The following TTC28 variants were observed in gnomAD, a reference collection of about 807,000 sequenced individuals.
TTC28 encodes tetratricopeptide repeat domain 28, also known as tetratricopeptide repeat protein 28.
A neutral mutation model predicts 198.0 loss-of-function variants in TTC28; 61 were observed. The ratio of observed to expected loss-of-function variants is 0.31; its 90% confidence interval spans 0.25 to 0.38. The LOEUF (loss-of-function observed/expected upper bound fraction) is 0.38, where lower values mean the gene tolerates loss of function less well. Among genes scored for constraint, TTC28 ranks in the 10% least tolerant of loss-of-function variants. TTC28 has a pLI of 1.00. For synonymous variants in TTC28, 1,171 were observed against 1,297.8 expected (o/e 0.90, Z 2.10); for missense variants, 2,678 against 3,164.0 (o/e 0.85, Z 3.69).
intron 5 of TTC28, among the ~76,000 whole-genome samples, chr22:28,208,460 C>T (rs966845930): frequency 2.6e-5 from 4 of 152,132 alleles, no homozygotes. Flanking sequence ...CAGGTTCAAG[C>T]CCCAGCTCTA....
intron 2 of TTC28, among the ~76,000 whole-genome samples, chr22:28,351,682 G>C (rs147620563): frequency 7.3e-4 from 111 of 152,330 alleles, no homozygotes; most frequent in African/African-American, 2.5e-3. Flanking sequence ...GCCTGAGATA[G>C]AAGAAGGCAC....
At chr22:28,563,192 TAACA>T (rs1464130689) in intron 2 of TTC28, among the ~76,000 whole-genome samples, 1 of 152,172 alleles carries the variant, frequency 6.6e-6, no homozygotes, top group Admixed American at 6.5e-5. Flanking sequence ...TATTTTAAAC[TAACA>T]TTTTTTTAAA....
intron 6 of TTC28, among the ~76,000 whole-genome samples, chr22:28,123,092 A>G (rs1001375397): frequency 6.6e-6 from 1 of 152,256 alleles, no homozygotes; most frequent in South Asian, 2.1e-4. Flanking sequence ...TGGCAGCAAA[A>G]GCCATCTTAC....
intron 2 of TTC28, among the ~76,000 whole-genome samples, chr22:28,321,340 G>A (rs2045443125): frequency 6.6e-6 from 1 of 152,106 alleles, no homozygotes; most frequent in South Asian, 2.1e-4. Context: ...GTTGCTAATG[G>A]AATAGATATT....
chr22:28,534,569 A>ACTGAGTATAAT (rs981718705), intron 2 of TTC28, among the ~76,000 whole-genome samples: 1 of 152,326 alleles, frequency 6.6e-6, no homozygotes, highest in East Asian at 1.9e-4. Context: ...CTGAGTATAT[A>ACTGAGTATAAT]CCCAAAGGAT....
At chr22:28,514,567 C>T (rs529813457) in intron 2 of TTC28, among the ~76,000 whole-genome samples, 3 of 152,340 alleles carry the variant, frequency 2.0e-5, no homozygotes, top group South Asian at 2.1e-4. Flanking sequence ...AAACCTTACA[C>T]GGAGTGTTCA....
intron 1 of TTC28, among the ~76,000 whole-genome samples, chr22:28,651,016 C>T (rs2051555104): frequency 6.6e-6 from 1 of 152,226 alleles, no homozygotes; most frequent in Admixed American, 6.5e-5. Flanking sequence ...TACCTGTTAT[C>T]TATGGCTGTT....
At chr22:28,621,993 C>T (rs1341595982) in intron 2 of TTC28, among the ~76,000 whole-genome samples, 1 of 151,912 alleles carries the variant, frequency 6.6e-6, no homozygotes, top group Non-Finnish European at 1.5e-5. Context: ...CTGGACTCAC[C>T]CCAACCCAGA....
At chr22:28,193,383 G>A (rs1426503149) in intron 5 of TTC28, among the ~76,000 whole-genome samples, 6 of 152,044 alleles carry the variant, frequency 3.9e-5, no homozygotes, top group Non-Finnish European at 7.4e-5. Flanking sequence ...ATCAACTAAC[G>A]GGCAAAATAA....
intron 2 of TTC28, among the ~76,000 whole-genome samples, chr22:28,563,608 C>A (rs570417616): frequency 7.4e-4 from 112 of 152,272 alleles, no homozygotes; most frequent in Non-Finnish European, 1.4e-3. Context: ...TAAGGTACCA[C>A]CTTACACCTA....
intron 1 of TTC28, among the ~76,000 whole-genome samples, chr22:28,635,913 C>T (rs569540587): frequency 6.6e-6 from 1 of 152,068 alleles, no homozygotes; most frequent in African/African-American, 2.4e-5. Context: ...ACTTATTTAT[C>T]TTATAGCTGA....
At chr22:28,134,334 C>T (rs1943144765) in intron 6 of TTC28, among the ~76,000 whole-genome samples, 1 of 152,162 alleles carries the variant, frequency 6.6e-6, no homozygotes, top group Non-Finnish European at 1.5e-5. Context: ...AGCTCCTCGC[C>T]AGCAATGGAA....
chr22:28,380,016 T>C (rs1355380372), intron 2 of TTC28, among the ~76,000 whole-genome samples: 1 of 146,162 alleles, frequency 6.8e-6, no homozygotes. Flanking sequence ...TAGTCAATAA[T>C]ACTGTATCTG....
chr22:28,456,259 A>G (rs939536273), intron 2 of TTC28, among the ~76,000 whole-genome samples: 6 of 152,130 alleles, frequency 3.9e-5, no homozygotes, highest in African/African-American at 1.4e-4. Context: ...CCATTTATGT[A>G]AAATGTCCAG....
intron 7 of TTC28, among the ~76,000 whole-genome samples, chr22:28,106,242 C>T (rs935178690): frequency 3.8e-4 from 58 of 152,270 alleles, no homozygotes; most frequent in Admixed American, 3.0e-3. Flanking sequence ...GCCCTTCCTC[C>T]ACTCCAGGAG....
chr22:28,405,937 T>C (rs182385149), intron 2 of TTC28, among the ~76,000 whole-genome samples: 2 of 152,394 alleles, frequency 1.3e-5, no homozygotes, highest in African/African-American at 2.4e-5. Flanking sequence ...ACACTGCCTA[T>C]AGGTTAGCCC....
intron 2 of TTC28, among the ~76,000 whole-genome samples, chr22:28,446,278 G>A (rs2047699739): frequency 6.6e-6 from 1 of 151,404 alleles, no homozygotes; most frequent in African/African-American, 2.4e-5. Context: ...GGGTGTGGGG[G>A]TGGGAGGATG....
intron 5 of TTC28, among the ~76,000 whole-genome samples, chr22:28,205,964 G>A (rs1489398882): frequency 6.6e-6 from 1 of 150,540 alleles, no homozygotes; most frequent in Non-Finnish European, 1.5e-5. Context: ...GGCCCCGGCT[G>A]CACAAAACCC....
At chr22:28,216,637 C>T (rs527254650) in intron 5 of TTC28, among the ~76,000 whole-genome samples, 123 of 152,242 alleles carry the variant, frequency 8.1e-4, no homozygotes, top group African/African-American at 2.8e-3. Flanking sequence ...ATATTGACAA[C>T]ATTTACAAAG....
Sources: allele counts gnomAD v4.1 joint callset (sites outside exome capture counted in the v4.1 genomes callset), GRCh38; gene constraint gnomAD v4.1.1; transcripts MANE v1.5; gene names NCBI Gene and HGNC (gene_info 2026-07-23, HGNC 2026-07-21).